The following FOCAD variants were observed in gnomAD, a reference collection of about 807,000 sequenced individuals.
FOCAD encodes the protein KIAA1797.
A neutral mutation model predicts 225.6 loss-of-function variants in FOCAD; 198 were observed. The observed-to-expected ratio is 0.88, with a 90% CI of 0.78 to 0.99. FOCAD has a LOEUF of 0.99. Among genes scored for constraint, FOCAD ranks in the 50% least tolerant of loss-of-function variants. The pLI, the probability that FOCAD is intolerant of heterozygous loss-of-function variation, is 0.00. For missense variants in FOCAD, 2,713 were observed against 2,123.6 expected (o/e 1.28, Z -5.46); for synonymous variants, 897 against 755.0 (o/e 1.19, Z -3.08).
At chr9:20,916,858 C>T (rs776696035) in intron 23 of FOCAD, 35 bp from the exon 24 acceptor site, 27 of 1,575,760 alleles carry the variant, frequency 1.7e-5, no homozygotes, top group Non-Finnish European at 2.3e-5. Flanking sequence ...CTTGTTCTAA[C>T]ATAAACTCTC....
intron 5 of FOCAD, among the ~76,000 whole-genome samples, chr9:20,748,480 T>C (rs1294731800): frequency 6.6e-6 from 1 of 152,014 alleles, no homozygotes; most frequent in African/African-American, 2.4e-5. Flanking sequence ...TTATAGAAAA[T>C]GTACACATGC....
chr9:20,882,458 T>G (rs1208522594), intron 20 of FOCAD, among the ~76,000 whole-genome samples: 1 of 152,232 alleles, frequency 6.6e-6, no homozygotes, highest in Non-Finnish European at 1.5e-5. Flanking sequence ...GGCTGAAAGC[T>G]TCTGAAAGGC....
At chr9:20,922,497 C>T (rs1466223806) in intron 24 of FOCAD, among the ~76,000 whole-genome samples, 1 of 152,168 alleles carries the variant, frequency 6.6e-6, no homozygotes, top group Non-Finnish European at 1.5e-5. Flanking sequence ...CAAATGAAAG[C>T]AGAAATGCAA....
At chr9:20,715,211 C>T in intron 1 of FOCAD, 111 bp from the exon 2 acceptor site, 1 of 421,942 alleles carries the variant, frequency 2.4e-6, no homozygotes, top group Non-Finnish European at 4.1e-6. Context: ...GCTTTATTTC[C>T]ATTGTTATCT....
intron 7 of FOCAD, among the ~76,000 whole-genome samples, chr9:20,767,475 C>T (rs992812271): frequency 1.3e-5 from 2 of 150,966 alleles, no homozygotes; most frequent in African/African-American, 4.9e-5. Context: ...TCCACGTCCT[C>T]TCCAGCACCT....
intron 11 of FOCAD, among the ~76,000 whole-genome samples, chr9:20,817,596 A>G (rs960323268): frequency 1.1e-4 from 17 of 150,934 alleles, no homozygotes; most frequent in African/African-American, 3.9e-4. Context: ...GTTGATGGGC[A>G]TTGGGTTGTT....
intron 1 of FOCAD, among the ~76,000 whole-genome samples, chr9:20,696,956 A>G (rs1587246846): frequency 6.6e-6 from 1 of 152,124 alleles, no homozygotes; most frequent in African/African-American, 2.4e-5. Context: ...GTCTCTTTGC[A>G]CTTCCACCAT....
intron 11 of FOCAD, among the ~76,000 whole-genome samples, chr9:20,816,842 G>C (rs1823775736): frequency 1.3e-5 from 2 of 152,076 alleles, no homozygotes; most frequent in South Asian, 4.1e-4. Context: ...AAACAATATA[G>C]TACAACAACT....
At chr9:20,789,184 C>A in intron 10 of FOCAD, 167 bp from the exon 11 acceptor site, 1 of 709,666 alleles carries the variant, frequency 1.4e-6, no homozygotes, top group Non-Finnish European at 2.3e-6. Context: ...TTTGTGTAAT[C>A]CTATTACCTC....
rs566217516 is a variant in FOCAD at position 20,766,362 on chromosome 9, C to T, written c.699+1289C>T. Among the ~76,000 whole-genome samples, 11 of 152,282 alleles carry T rather than the reference C, an allele frequency of 7.2e-5. No individual in the cohort carries two copies. The South Asian group carries it at 2.1e-3, about 29-fold the overall frequency. On this transcript the variant is annotated intron_variant, in intron 7 of 43. Transcript: ENST00000338382. The stretch of plus-strand genomic sequence containing the variant: ...TAGAATGAAGCGTGTGAGGGTTGGA[C>T]GTGGTCTTAGAGACAATATAATCCA...
chr9:20,934,022 A>G (rs913419310), intron 28 of FOCAD, among the ~76,000 whole-genome samples: 9 of 151,802 alleles, frequency 5.9e-5, no homozygotes, highest in African/African-American at 1.9e-4. Flanking sequence ...AGAATTGTCT[A>G]TTCATGTCCT....
intron 1 of FOCAD, among the ~76,000 whole-genome samples, chr9:20,685,521 A>G (rs1822611447): frequency 6.6e-6 from 1 of 152,230 alleles, no homozygotes; most frequent in Non-Finnish European, 1.5e-5. Context: ...TTTGATTCAC[A>G]TCCAATTCCT....
chr9:20,751,902 G>T (rs199910118), intron 5 of FOCAD, among the ~76,000 whole-genome samples: 54 of 144,174 alleles, frequency 3.7e-4, no homozygotes, highest in East Asian at 1.8e-3. Flanking sequence ...ATTTCTCTAA[G>T]GGCCAGTGAT....
At chr9:20,675,518 C>G (rs1211251167) in intron 2 of FOCAD, among the ~76,000 whole-genome samples, 2 of 152,168 alleles carry the variant, frequency 1.3e-5, no homozygotes, top group Non-Finnish European at 2.9e-5. Context: ...ATTCCCAACT[C>G]ACAGGGAGAC....
intron 2 of FOCAD, among the ~76,000 whole-genome samples, chr9:20,677,374 A>T (rs1350839179): frequency 6.6e-5 from 10 of 152,228 alleles, no homozygotes; most frequent in Non-Finnish European, 1.5e-4. Flanking sequence ...GACAGGTGGG[A>T]TTGCATCAAA....
intron 15 of FOCAD, among the ~76,000 whole-genome samples, chr9:20,858,564 A>G (rs115892084): frequency 6.6e-6 from 1 of 151,740 alleles, no homozygotes; most frequent in Admixed American, 6.6e-5. Context: ...TTTTCATTTC[A>G]TTAATCTTTT....
chr9:20,790,462 CA>C (rs1474202885), intron 11 of FOCAD, among the ~76,000 whole-genome samples: 3 of 152,074 alleles, frequency 2.0e-5, no homozygotes, highest in Admixed American at 6.6e-5. Context: ...AGAAAACGGG[CA>C]AATGTGTTTA....
Position 20,789,620 on chromosome 9 carries a change from G to C in FOCAD, c.1455+12G>C, listed in dbSNP as rs1449984405. 4 of 1,612,654 alleles carry C rather than the reference G, an allele frequency of 2.5e-6. No individual in the cohort carries two copies. The African/African-American group carries it at 4.0e-5, about 16-fold the overall frequency. On this transcript the variant is annotated intron_variant, in intron 11 of 43. Transcript: ENST00000338382. ...CAGATTCCTCCCAGGTAAAGCAAGA[G>C]AATAATGGAACAATAATGAGAGGAA... is the stretch of plus-strand genomic sequence containing the variant.
At chr9:20,703,170 A>G (rs1178971780) in intron 1 of FOCAD, among the ~76,000 whole-genome samples, 1 of 126,548 alleles carries the variant, frequency 7.9e-6, no homozygotes, top group East Asian at 2.7e-4. Flanking sequence ...GTAGGGGACT[A>G]TTTGAGGCTA....
Sources: allele counts gnomAD v4.1 joint callset (sites outside exome capture counted in the v4.1 genomes callset), GRCh38; gene constraint gnomAD v4.1.1; transcripts MANE v1.5; gene names NCBI Gene and HGNC (gene_info 2026-07-23, HGNC 2026-07-21).